The following CAMK1D variants were observed in gnomAD, a reference collection of about 807,000 sequenced individuals.
The protein encoded by CAMK1D is calcium/calmodulin-dependent protein kinase type 1D.
CAMK1D carries 9 observed loss-of-function variants against 47.7 expected under a neutral mutation model. The observed-to-expected ratio is 0.19, with a 90% CI of 0.11 to 0.33. CAMK1D has a LOEUF of 0.33. Ranked by LOEUF, CAMK1D falls within the 10% of genes least tolerant of loss-of-function variation. CAMK1D has a pLI of 1.00. For synonymous variants in CAMK1D, 184 were observed against 184.9 expected, an observed-to-expected ratio of 0.99 and a Z score of 0.04; for missense variants, 291 against 488.7, an observed-to-expected ratio of 0.60 and a Z score of 3.81.
chr10:12,744,565 A>T (rs1835577879), intron 3 of CAMK1D, among the ~76,000 whole-genome samples: 1 of 152,028 alleles, frequency 6.6e-6, no homozygotes, highest in Admixed American at 6.6e-5. Context: ...GGCATATTTT[A>T]AAAAACACAC....
intron 3 of CAMK1D, 84 bp from the exon 4 acceptor site, chr10:12,760,864 G>A: frequency 6.8e-7 from 1 of 1,478,680 alleles, no homozygotes; most frequent in East Asian, 2.3e-5. Flanking sequence ...TTGCAATAAA[G>A]TTTGGGATTT....
intron 1 of CAMK1D, among the ~76,000 whole-genome samples, chr10:12,362,221 C>T (rs1837686351): frequency 6.6e-6 from 1 of 152,098 alleles, no homozygotes; most frequent in Admixed American, 6.5e-5. Context: ...ATTGAACCTC[C>T]ACTCCACCTA....
At chr10:12,385,894 G>A (rs1486689499) in intron 1 of CAMK1D, among the ~76,000 whole-genome samples, 1 of 152,040 alleles carries the variant, frequency 6.6e-6, no homozygotes. Flanking sequence ...TCACAGGCGT[G>A]CGCCACCGCG....
At chr10:12,502,526 C>T (rs1039946426) in intron 1 of CAMK1D, among the ~76,000 whole-genome samples, 6 of 152,278 alleles carry the variant, frequency 3.9e-5, no homozygotes, top group East Asian at 1.9e-4. Flanking sequence ...TCAGCAGCCC[C>T]GCAAGGCAGA....
intron 2 of CAMK1D, among the ~76,000 whole-genome samples, chr10:12,662,351 C>T (rs1452213291): frequency 2.0e-5 from 3 of 152,072 alleles, no homozygotes; most frequent in African/African-American, 4.8e-5. Context: ...AATATCAACC[C>T]GAGTAAGAAA....
At chr10:12,818,134 C>T (rs1182310095) in intron 8 of CAMK1D, among the ~76,000 whole-genome samples, 1 of 152,150 alleles carries the variant, frequency 6.6e-6, no homozygotes, top group Non-Finnish European at 1.5e-5. Context: ...AAACCATCCC[C>T]CTGTGTGCCC....
intron 1 of CAMK1D, among the ~76,000 whole-genome samples, chr10:12,367,539 C>T (rs895003992): frequency 2.0e-5 from 3 of 151,918 alleles, no homozygotes; most frequent in Admixed American, 2.0e-4. Context: ...AATTCTACAA[C>T]TCACCGTAAT....
At chr10:12,393,074 C>CA (rs1307767203) in intron 1 of CAMK1D, among the ~76,000 whole-genome samples, 1 of 151,580 alleles carries the variant, frequency 6.6e-6, no homozygotes, top group African/African-American at 2.4e-5. Flanking sequence ...CTCTGTTGCC[C>CA]AGGCTGGAGT....
chr10:12,454,259 T>C (rs1833174672), intron 1 of CAMK1D, among the ~76,000 whole-genome samples: 1 of 152,102 alleles, frequency 6.6e-6, no homozygotes, highest in Non-Finnish European at 1.5e-5. Flanking sequence ...GCCTCCTGGG[T>C]TCAAGCAATT....
At chr10:12,553,800 G>A (rs1386041221) in intron 2 of CAMK1D, among the ~76,000 whole-genome samples, 2 of 152,224 alleles carry the variant, frequency 1.3e-5, no homozygotes, top group Non-Finnish European at 2.9e-5. Flanking sequence ...AAAGGTCTGT[G>A]CTGTCGCCAC....
intron 5 of CAMK1D, among the ~76,000 whole-genome samples, chr10:12,772,866 T>C (rs889147670): frequency 4.6e-5 from 7 of 152,024 alleles, no homozygotes; most frequent in African/African-American, 1.4e-4. Flanking sequence ...GGGACACAAC[T>C]TCAGAGTAGG....
chr10:12,654,271 G>A (rs761158487), intron 2 of CAMK1D, among the ~76,000 whole-genome samples: 31 of 152,192 alleles, frequency 2.0e-4, no homozygotes, highest in Non-Finnish European at 4.3e-4. Context: ...CATCCACAGT[G>A]AATCTGAAAC....
intron 1 of CAMK1D, among the ~76,000 whole-genome samples, chr10:12,473,349 G>T (rs1000543101): frequency 6.6e-5 from 10 of 152,066 alleles, no homozygotes; most frequent in Non-Finnish European, 1.0e-4. Context: ...CAGGAGAATT[G>T]CTTGAACTTG....
chr10:12,421,851 C>G (rs941088501), intron 1 of CAMK1D, among the ~76,000 whole-genome samples: 1 of 149,426 alleles, frequency 6.7e-6, no homozygotes, highest in Non-Finnish European at 1.5e-5. Context: ...GAGTCTTGCT[C>G]TGTCACCCAG....
chr10:12,792,509 G>A (rs942066279), intron 6 of CAMK1D, among the ~76,000 whole-genome samples: 2 of 152,206 alleles, frequency 1.3e-5, no homozygotes, highest in Non-Finnish European at 2.9e-5. Flanking sequence ...ATAAAAGACT[G>A]CAGGGGATGG....
In CAMK1D at chr10:12,760,979, G is replaced by A. The variant is rs1836479857; in HGVS notation, c.331G>A (p.Val111Met). 1.9e-6 allele frequency: 3 copies of A among 1,614,186 alleles called. No individual in the cohort carries two copies. The highest frequency in any genetic ancestry group is 2.5e-6 in the Non-Finnish European group (3 of 1,180,018). ...CGGTGGAGAGCTGTTTGACCGGATA[G>A]TGGAGAAGGGGTTTTATACAGAGAA... ...VSGGELFDRI[V>M]EKGFYTEKDA... is the part of the protein sequence containing the mutation. The change falls in exon 4 of 11, where the codon GTG becomes ATG. Residue 111 changes from valine (V) to methionine (M), a missense_variant. Coordinates refer to ENST00000619168, the MANE Select transcript of CAMK1D (RefSeq NM_153498.4).
intron 3 of CAMK1D, among the ~76,000 whole-genome samples, chr10:12,668,667 C>G (rs747323820): frequency 1.3e-5 from 2 of 152,124 alleles, no homozygotes; most frequent in African/African-American, 4.8e-5. Context: ...CATCACTATG[C>G]CTCTACAGAT....
intron 3 of CAMK1D, among the ~76,000 whole-genome samples, chr10:12,704,138 A>T (rs1407567944): frequency 6.6e-6 from 1 of 152,206 alleles, no homozygotes; most frequent in Non-Finnish European, 1.5e-5. Flanking sequence ...CTCTTACTGC[A>T]GGTGTGTCCA....
chr10:12,498,594 C>T (rs1834609703), intron 1 of CAMK1D, among the ~76,000 whole-genome samples: 1 of 152,192 alleles, frequency 6.6e-6, no homozygotes, highest in South Asian at 2.1e-4. Flanking sequence ...TGAGTTAGTT[C>T]TCATCACTGG....
Sources: allele counts gnomAD v4.1 joint callset (sites outside exome capture counted in the v4.1 genomes callset), GRCh38; gene constraint gnomAD v4.1.1; transcripts MANE v1.5; gene names NCBI Gene and HGNC (gene_info 2026-07-23, HGNC 2026-07-21).